The following NUDT6 variants were observed in gnomAD, a reference collection of about 807,000 sequenced individuals.
The protein encoded by NUDT6 is nudix hydrolase 6.
Under a neutral mutation model 36.8 loss-of-function variants are expected in NUDT6, and 24 were observed. The observed-to-expected ratio is 0.65, with a 90% CI of 0.47 to 0.92. The LOEUF (loss-of-function observed/expected upper bound fraction) is 0.92. Ranked by LOEUF, NUDT6 falls within the 40% of genes least tolerant of loss-of-function variation. NUDT6 has a pLI of 0.00. For missense variants in NUDT6, 388 were observed against 392.8 expected (o/e 0.99, Z 0.10); for synonymous variants, 163 against 157.0 (o/e 1.04, Z -0.29).
chr4:122,922,315 T>C lies in NUDT6; in HGVS notation c.238+20A>G. 1 of 1,587,852 alleles carries C rather than the reference T, an allele frequency of 6.3e-7. No individual in the cohort carries two copies. Among genetic ancestry groups the C allele is most frequent in the Non-Finnish European group, 8.5e-7 (1 of 1,172,872 alleles). On this transcript the variant is annotated intron_variant, in intron 1 of 4. Transcript: ENST00000304430. ...AAAAGCTCTGGAGCCCCGGGAGCCCTTCGTCCCAGGCGCACTTGCCCTGCA... is the reference window on the plus strand; with the variant it reads ...AAAAGCTCTGGAGCCCCGGGAGCCCCTCGTCCCAGGCGCACTTGCCCTGCA...
At chr4:122,895,437 T>C (rs1727319695) in intron 4 of NUDT6, 1 of 152,196 alleles carries the variant, frequency 6.6e-6, no homozygotes, top group Non-Finnish European at 1.5e-5. Flanking sequence ...ATAATAGAAT[T>C]AGATTGAAAT....
chr4:122,920,671 C>A (rs1298950846), intron 1 of NUDT6: 1 of 152,194 alleles, frequency 6.6e-6, no homozygotes, highest in Non-Finnish European at 1.5e-5. Context: ...GTCATGCTGA[C>A]TGGGGTAGTG....
chr4:122,915,287 T>C (rs549472374), intron 2 of NUDT6, among the ~76,000 whole-genome samples: 2 of 152,056 alleles, frequency 1.3e-5, no homozygotes, highest in South Asian at 4.2e-4. Context: ...CTGGGCAACA[T>C]GGCGAAACCC....
intron 2 of NUDT6, among the ~76,000 whole-genome samples, chr4:122,917,254 A>T (rs915658472): frequency 1.1e-4 from 17 of 152,334 alleles, no homozygotes; most frequent in Admixed American, 5.9e-4. Flanking sequence ...TATAAGTTAA[A>T]CTTTATCATA....
chr4:122,894,424 A>C (rs1443841883), intron 4 of NUDT6: 1 of 152,284 alleles, frequency 6.6e-6, no homozygotes, highest in Non-Finnish European at 1.5e-5. Flanking sequence ...TCTACAAAAA[A>C]ACACAAAAAA....
chr4:122,918,854 G>A (rs1412285228), intron 1 of NUDT6: 1 of 152,180 alleles, frequency 6.6e-6, no homozygotes, highest in East Asian at 1.9e-4. Flanking sequence ...TACATAAAGT[G>A]AAATGTACAA....
At chr4:122,897,557 G>T in intron 4 of NUDT6, 67 bp downstream of exon 4, 1 of 1,140,026 alleles carries the variant, frequency 8.8e-7, no homozygotes, top group Non-Finnish European at 1.3e-6. Flanking sequence ...TAGCTATAAA[G>T]CAAGAAAGTA....
chr4:122,901,254 T>C (rs1401693465), intron 3 of NUDT6, among the ~76,000 whole-genome samples: 1 of 150,956 alleles, frequency 6.6e-6, no homozygotes, highest in East Asian at 1.9e-4. Context: ...TAGTAACCTT[T>C]TAACTTATAA....
At chr4:122,898,258 A>G (rs907732768) in intron 3 of NUDT6, 4 of 152,040 alleles carry the variant, frequency 2.6e-5, no homozygotes, top group Non-Finnish European at 4.4e-5. Flanking sequence ...CTTCTTGTCT[A>G]TGAATTCTTT....
chr4:122,909,067 G>A (rs1727679316), intron 3 of NUDT6, among the ~76,000 whole-genome samples: 1 of 144,666 alleles, frequency 6.9e-6, no homozygotes, highest in African/African-American at 2.5e-5. Flanking sequence ...CGCCATCCCA[G>A]CTTTTTTTTT....
chr4:122,916,565 A>C (rs1727848937), intron 2 of NUDT6, among the ~76,000 whole-genome samples: 1 of 152,206 alleles, frequency 6.6e-6, no homozygotes, highest in African/African-American at 2.4e-5. Context: ...CTACTATTTG[A>C]GTAGTGAAGT....
In NUDT6 at chr4:122,892,620, A is replaced by C; in HGVS notation, c.*208T>G. ...TTTTATATTGCATCTGCTGTTACCC[A>C]GTGAAGCTTACCTAGAGCAATGATC... On this transcript the variant is annotated 3_prime_UTR_variant, in exon 5 of 5. Transcript: ENST00000304430. 2 of 1,431,466 alleles carry C rather than the reference A, an allele frequency of 1.4e-6. No individual in the cohort carries two copies. Among genetic ancestry groups the C allele is most frequent in the Non-Finnish European group, 1.8e-6 (2 of 1,096,426 alleles). 88.7% of individuals were successfully genotyped at this position (1,431,466 alleles called of 1,614,324 possible).
At chr4:122,902,815 G>A (rs1727550776) in intron 3 of NUDT6, among the ~76,000 whole-genome samples, 1 of 152,108 alleles carries the variant, frequency 6.6e-6, no homozygotes, top group African/African-American at 2.4e-5. Flanking sequence ...AAGGACATGT[G>A]AATGTCAATT....
At chr4:122,895,092 T>C (rs1219757832) in intron 4 of NUDT6, 3 of 152,346 alleles carry the variant, frequency 2.0e-5, no homozygotes, top group East Asian at 1.9e-4. Context: ...GAAAATTGAA[T>C]GGGCAAATAA....
intron 1 of NUDT6, chr4:122,918,453 A>G (rs1727897635): frequency 1.3e-5 from 2 of 152,226 alleles, no homozygotes; most frequent in African/African-American, 2.4e-5. Flanking sequence ...GAAAGGTATT[A>G]CTACCTTAAG....
intron 2 of NUDT6, among the ~76,000 whole-genome samples, chr4:122,914,132 A>T (rs539970368): frequency 6.6e-6 from 1 of 152,350 alleles, no homozygotes; most frequent in African/African-American, 2.4e-5. Flanking sequence ...AACAAAAAAT[A>T]AATTATATAG....
chr4:122,901,877 A>G (rs1727530836), intron 3 of NUDT6, among the ~76,000 whole-genome samples: 1 of 152,124 alleles, frequency 6.6e-6, no homozygotes, highest in African/African-American at 2.4e-5. Context: ...TATAAACACA[A>G]CCCTTAAAAG....
chr4:122,915,218 G>A (rs1041254020), intron 2 of NUDT6, among the ~76,000 whole-genome samples: 8 of 152,074 alleles, frequency 5.3e-5, no homozygotes, highest in East Asian at 3.9e-4. Context: ...ATCTGCCTTC[G>A]GTAGTTTATA....
intron 4 of NUDT6, chr4:122,895,677 A>G (rs1468213710): frequency 6.6e-6 from 1 of 152,222 alleles, no homozygotes; most frequent in Non-Finnish European, 1.5e-5. Context: ...AAAAGCCTTG[A>G]GGATTGCATT....
Sources: allele counts gnomAD v4.1 joint callset (sites outside exome capture counted in the v4.1 genomes callset), GRCh38; gene constraint gnomAD v4.1.1; transcripts MANE v1.5; gene names NCBI Gene and HGNC (gene_info 2026-07-23, HGNC 2026-07-21).